The following STIM2 variants were observed in gnomAD, a reference collection of about 807,000 sequenced individuals.
STIM2 encodes the protein stromal interaction molecule 2.
A neutral mutation model predicts 85.8 loss-of-function variants in STIM2; 31 were observed. The ratio of observed to expected loss-of-function variants is 0.36; its 90% CI spans 0.27 to 0.49. The LOEUF is 0.49. STIM2 is among the 20% of genes least tolerant of loss of function. The pLI is 0.98. For missense variants in STIM2, 841 were observed against 927.6 expected, an observed-to-expected ratio of 0.91 and a Z score of 1.21; for synonymous variants, 356 against 331.1, an observed-to-expected ratio of 1.08 and a Z score of -0.82.
intron 3 of STIM2, among the ~76,000 whole-genome samples, chr4:26,973,756 G>C (rs530453355): frequency 6.6e-6 from 1 of 152,098 alleles, no homozygotes; most frequent in Non-Finnish European, 1.5e-5. Context: ...TATTAGGTCC[G>C]CTTGGTGCAG....
At chr4:26,995,285 C>T (rs1027305297) in intron 3 of STIM2, 94 bp from the exon 4 acceptor site, 3 of 623,698 alleles carry the variant, frequency 4.8e-6, no homozygotes, top group Non-Finnish European at 5.3e-6. Context: ...ATTGAAAATG[C>T]AATCTAATAT....
intron 2 of STIM2, among the ~76,000 whole-genome samples, chr4:26,942,685 A>T (rs530820954): frequency 6.6e-6 from 1 of 152,164 alleles, no homozygotes; most frequent in Non-Finnish European, 1.5e-5. Flanking sequence ...TTTTTAAAAA[A>T]CTTGATCTTA....
chr4:27,021,660 G>A, intron 11 of STIM2: 1 of 456,570 alleles, frequency 2.2e-6, no homozygotes, highest in Non-Finnish European at 4.4e-6. Flanking sequence ...TCACTTTAAT[G>A]GCTGTGTAGA....
Position 27,008,833 on chromosome 4 carries a change from C to A in STIM2, c.1320C>A (p.Ile440=). 6.2e-7 allele frequency: 1 copy of A among 1,614,166 alleles called. No homozygotes were observed. The stretch of plus-strand genomic sequence containing the variant: ...TTCGCTGGCAACAAATTGAGAAGAT[C>A]TGTGGCTTTCAGATAGCCCATAACT... Residue 440 remains isoleucine (I), a synonymous_variant, in exon 10 of 12, where the codon ATC becomes ATA. Transcript: ENST00000467087.
chr4:26,886,640 T>C (rs1723261320), intron 1 of STIM2, among the ~76,000 whole-genome samples: 1 of 152,042 alleles, frequency 6.6e-6, no homozygotes. Context: ...ACAGGGCTGG[T>C]GTAGAGTAAG....
chr4:27,011,571 A>G (rs1032070435), intron 10 of STIM2, among the ~76,000 whole-genome samples: 1 of 152,084 alleles, frequency 6.6e-6, no homozygotes, highest in East Asian at 1.9e-4. Flanking sequence ...TTACATACCC[A>G]CTGTTTTATA....
At chr4:26,895,540 C>A (rs1226314946) in intron 1 of STIM2, among the ~76,000 whole-genome samples, 1 of 152,092 alleles carries the variant, frequency 6.6e-6, no homozygotes, top group African/African-American at 2.4e-5. Flanking sequence ...TAGAGAAAGG[C>A]AAGATTTTGA....
chr4:26,918,115 T>G (rs1724656722), intron 1 of STIM2, among the ~76,000 whole-genome samples: 1 of 152,052 alleles, frequency 6.6e-6, no homozygotes, highest in Non-Finnish European at 1.5e-5. Context: ...ATTACTTCCC[T>G]TCTAAGACTA....
chr4:27,008,866 C>A lies in STIM2; in HGVS notation c.1353C>A (p.Leu451=). Reference sequence around the variant, plus strand: ...TTCAGATAGCCCATAACTCAGGACTCCCCAGCCTGACCTCTTCCCTTTATT... The same window carrying A: ...TTCAGATAGCCCATAACTCAGGACTACCCAGCCTGACCTCTTCCCTTTATT... The change falls in exon 10 of 12, where the codon CTC becomes CTA. Residue 451 remains leucine, a synonymous_variant. Coordinates refer to ENST00000467087, the MANE Select transcript of STIM2 (RefSeq NM_020860.4). 6.2e-7 allele frequency: 1 copy of A among 1,614,098 alleles called. No homozygotes were observed. Among genetic ancestry groups the A allele is most frequent in the Non-Finnish European group, 8.5e-7 (1 of 1,179,994 alleles).
At chr4:26,975,897 G>A (rs958315287) in intron 3 of STIM2, among the ~76,000 whole-genome samples, 1 of 152,196 alleles carries the variant, frequency 6.6e-6, no homozygotes, top group Non-Finnish European at 1.5e-5. Flanking sequence ...GAGCTGTGGT[G>A]GCTCCGCCCA....
intron 2 of STIM2, among the ~76,000 whole-genome samples, chr4:26,938,950 A>C (rs1725497450): frequency 6.6e-6 from 1 of 151,906 alleles, no homozygotes; most frequent in Non-Finnish European, 1.5e-5. Flanking sequence ...ACTTGTATTC[A>C]GTTTTGAGCC....
At chr4:26,898,333 G>T (rs1723784994) in intron 1 of STIM2, among the ~76,000 whole-genome samples, 1 of 152,144 alleles carries the variant, frequency 6.6e-6, no homozygotes, top group South Asian at 2.1e-4. Flanking sequence ...TAGAAGTACT[G>T]TGTACTTCTT....
Position 26,999,229 on chromosome 4 carries a change from C to T in STIM2, c.510-3C>T. On this transcript the variant is annotated splice_polypyrimidine_tract_variant and splice_region_variant and intron_variant, in intron 4 of 11. Coordinates refer to ENST00000467087, the MANE Select transcript of STIM2 (RefSeq NM_020860.4). ...TATGTGTGTGTGTTTTTCAAATAAA[C>T]AGGATAGCAGTGCACGAACCTTCAT... is the stretch of plus-strand genomic sequence containing the variant. 1.3e-6 allele frequency: 2 copies of T among 1,527,814 alleles called. No individual in the cohort carries two copies. The highest frequency in any genetic ancestry group is 1.8e-6 in the Non-Finnish European group (2 of 1,125,354). 94.6% of individuals were successfully genotyped at this position (1,527,814 alleles called of 1,614,324 possible).
At chr4:26,893,165 G>T (rs1372756922) in intron 1 of STIM2, among the ~76,000 whole-genome samples, 1 of 152,148 alleles carries the variant, frequency 6.6e-6, no homozygotes, top group African/African-American at 2.4e-5. Flanking sequence ...AACATTAAAT[G>T]TTTATGTAGT....
intron 2 of STIM2, among the ~76,000 whole-genome samples, chr4:26,922,192 A>G (rs1241041880): frequency 6.6e-6 from 1 of 152,056 alleles, no homozygotes; most frequent in Non-Finnish European, 1.5e-5. Context: ...CAACATCATT[A>G]TCATTACTCC....
chr4:26,885,232 G>T (rs879305861), intron 1 of STIM2, among the ~76,000 whole-genome samples: 6 of 152,052 alleles, frequency 3.9e-5, no homozygotes, highest in Non-Finnish European at 5.9e-5. Context: ...CAGTATAACA[G>T]TACAGGAAAG....
At chr4:26,978,611 G>A (rs1246767179) in intron 3 of STIM2, among the ~76,000 whole-genome samples, 1 of 152,108 alleles carries the variant, frequency 6.6e-6, no homozygotes, top group Non-Finnish European at 1.5e-5. Flanking sequence ...GCCTGTTCTA[G>A]TTAGAGAAAT....
chr4:26,879,439 T>C (rs1577411284), intron 1 of STIM2, among the ~76,000 whole-genome samples: 1 of 152,198 alleles, frequency 6.6e-6, no homozygotes, highest in African/African-American at 2.4e-5. Context: ...TATCTGCTTG[T>C]CTATTCAATT....
At chr4:26,961,748 T>C (rs1033555693) in intron 3 of STIM2, among the ~76,000 whole-genome samples, 2 of 151,966 alleles carry the variant, frequency 1.3e-5, no homozygotes, top group African/African-American at 4.8e-5. Context: ...ACATAAATGG[T>C]AGCTCCCCCA....
Sources: gnomAD v4.1 joint callset for allele counts (sites outside exome capture counted in the v4.1 genomes callset) on GRCh38, gnomAD v4.1.1 for gene constraint, MANE v1.5 for transcripts, NCBI Gene and HGNC (gene_info 2026-07-23, HGNC 2026-07-21) for gene names.